Variants in CCDC47 observed in about 807,000 individuals in gnomAD.
CCDC47 encodes PAT complex subunit CCDC47.
A neutral mutation model predicts 60.5 loss-of-function variants in CCDC47; 41 were observed. That is an observed-to-expected ratio of 0.68 (90% CI 0.53 to 0.88). CCDC47 has a LOEUF of 0.88. Among genes scored for constraint, CCDC47 ranks in the 40% least tolerant of loss-of-function variants. CCDC47 has a pLI of 0.00. For missense variants in CCDC47, 513 were observed against 580.9 expected, an observed-to-expected ratio of 0.88 and a Z score of 1.20; for synonymous variants, 195 against 190.7, an observed-to-expected ratio of 1.02 and a Z score of -0.18.
chr17:63,768,917 C>T (rs1355936753), intron 1 of CCDC47, among the ~76,000 whole-genome samples: 1 of 151,814 alleles, frequency 6.6e-6, no homozygotes, highest in Non-Finnish European at 1.5e-5. Flanking sequence ...AATCCTGTCT[C>T]TACTAAAAAT....
intron 9 of CCDC47, chr17:63,753,022 C>T (rs1181717538): frequency 5.8e-6 from 4 of 687,614 alleles, no homozygotes; most frequent in Admixed American, 6.3e-5. Flanking sequence ...TATATTTGAA[C>T]ACCTCCAGTG....
chr17:63,766,819 T>C (rs1258772815), intron 1 of CCDC47: 1 of 978,602 alleles, frequency 1.0e-6, no homozygotes, highest in South Asian at 4.7e-5. Flanking sequence ...ATTAAAAAGC[T>C]TTCTATAGAA....
At chr17:63,760,078 A>AAAG (rs938149007) in intron 6 of CCDC47, among the ~76,000 whole-genome samples, 5 of 151,442 alleles carry the variant, frequency 3.3e-5, no homozygotes, top group African/African-American at 9.7e-5. Flanking sequence ...AAAAAAAAAA[A>AAAG]AAAGAAACAA....
chr17:63,768,583 A>G (rs1020742034), intron 1 of CCDC47, among the ~76,000 whole-genome samples: 3 of 152,116 alleles, frequency 2.0e-5, no homozygotes, highest in African/African-American at 7.2e-5. Flanking sequence ...CCAGCTACTC[A>G]GGGCACTGAG....
rs1487101049 is a variant in CCDC47, at chr17:63,745,288, A to AG, written c.*1592dup. On this transcript the variant is annotated 3_prime_UTR_variant, in exon 13 of 13. Transcript: ENST00000225726. ...ATCACTTTAATAGATGTCCATAGGTAGTTCATATGAATGCTTAAGTTACAA... is the reference window on the plus strand; with the variant it reads ...ATCACTTTAATAGATGTCCATAGGTAGGTTCATATGAATGCTTAAGTTACAA... The AG allele has an allele frequency of 6.6e-6, 1 of 152,622 alleles. No homozygotes were observed. Among genetic ancestry groups the AG allele is most frequent in the Non-Finnish European group, 1.5e-5 (1 of 68,028 alleles). The allele number at this position is 152,622 out of a possible 1,614,324, so 9.5% of individuals were successfully genotyped here. A position where few individuals can be genotyped will look rare whatever the true frequency, so the allele number is the denominator to read the frequency against.
At chr17:63,760,415 C>T (rs2039249750) in intron 6 of CCDC47, among the ~76,000 whole-genome samples, 1 of 152,142 alleles carries the variant, frequency 6.6e-6, no homozygotes, top group African/African-American at 2.4e-5. Context: ...ATGAAGGCCC[C>T]CTGACAGTTG....
chr17:63,763,955 T>C, intron 4 of CCDC47, 61 bp downstream of exon 4: 2 of 1,376,738 alleles, frequency 1.5e-6, no homozygotes, highest in Admixed American at 2.6e-5. Flanking sequence ...CTGAGGGGAA[T>C]ACATCATCCT....
rs747806594 is a variant in CCDC47 at position 63,752,359 on chromosome 17, A to G, written c.1164T>C (p.Tyr388=). 1 of 1,614,014 alleles carries G rather than the reference A, an allele frequency of 6.2e-7. No individual in the cohort carries two copies. The highest frequency in any genetic ancestry group is 1.1e-5 in the South Asian group (1 of 91,078). Residue 388 remains tyrosine (Y), a synonymous_variant, in exon 11 of 13, where the codon TAT becomes TAC. Coordinates refer to ENST00000225726, the MANE Select transcript of CCDC47 (RefSeq NM_020198.3). Reference sequence around the variant, plus strand: ...GGAACTTTTTGGCTTTATCAATAGAATAAATCACCATGTTCATCAGGGGTA... The same window carrying G: ...GGAACTTTTTGGCTTTATCAATAGAGTAAATCACCATGTTCATCAGGGGTA... ...ALLPLMNMVI[Y]SIDKAKKFRL...
chr17:63,750,640 A>G (rs902762624), intron 12 of CCDC47, among the ~76,000 whole-genome samples: 12 of 151,244 alleles, frequency 7.9e-5, no homozygotes, highest in African/African-American at 2.9e-4. Flanking sequence ...GCTGGAGTGC[A>G]GTGGCTCGAT....
intron 2 of CCDC47, chr17:63,765,120 C>CCACACACACACACACACACACACA (rs56697502): frequency 6.7e-6 from 1 of 150,094 alleles, no homozygotes; most frequent in African/African-American, 2.6e-5. Flanking sequence ...AGTATTCTCA[C>CCACACACACACACACACACACACA]CACACACACA....
At chr17:63,764,361 T>G (rs2039282365) in intron 3 of CCDC47, among the ~76,000 whole-genome samples, 171 bp from the exon 4 acceptor site, 1 of 152,184 alleles carries the variant, frequency 6.6e-6, no homozygotes, top group Non-Finnish European at 1.5e-5. Flanking sequence ...TAGGCTAGCT[T>G]GATAAAAGAT....
chr17:63,756,710 A>G (rs1032782986), intron 6 of CCDC47, 140 bp from the exon 7 acceptor site: 1 of 626,654 alleles, frequency 1.6e-6, no homozygotes, highest in African/African-American at 1.8e-5. Context: ...AATATGATGG[A>G]ATATTACCCC....
rs769875851 is a variant in CCDC47, at chr17:63,766,033, T to C, written c.143A>G (p.Asp48Gly). ...CCGTTGAGGAGATTCAGTAACAGAG[T>C]CTTCCATGACATCCTCAAATTCAGC... The part of the protein sequence containing the change: ...DFAEFEDVME[D>G]SVTESPQRVI... Residue 48 changes from aspartate (D) to glycine (G), a missense_variant, in exon 2 of 13, where the codon GAC (aspartate) becomes GGC (glycine). Coordinates refer to ENST00000225726, the MANE Select transcript of CCDC47 (RefSeq NM_020198.3). The C allele has an allele frequency of 1.2e-5, 19 of 1,613,706 alleles. 1 individual carries two copies. The highest frequency in any genetic ancestry group is 1.5e-5 in the Non-Finnish European group (18 of 1,179,980).
At chr17:63,760,273 A>T (rs1286925226) in intron 6 of CCDC47, among the ~76,000 whole-genome samples, 1 of 152,212 alleles carries the variant, frequency 6.6e-6, no homozygotes, top group African/African-American at 2.4e-5. Flanking sequence ...GCCAAAGATA[A>T]AAACATATAC....
chr17:63,764,117 T>C lies in CCDC47; in HGVS notation c.446A>G (p.Tyr149Cys), dbSNP rs1481024776. ...CTTCCCAATGATGTAATTCATGATA[T>C]AAGCAAGCAGACCAGTCACCATCAA... The part of the protein sequence containing the change: ...EILMVTGLLA[Y>C]IMNYIIGKNK... Residue 149 changes from tyrosine (Y) to cysteine (C), a missense_variant, in exon 4 of 13, where the codon TAT becomes TGT. Physicochemically the swap from Tyr to Cys is radical, Grantham distance 194 (BLOSUM62 -2). Coordinates refer to ENST00000225726, the MANE Select transcript of CCDC47 (RefSeq NM_020198.3). 1 of 1,612,586 alleles carries C rather than the reference T, an allele frequency of 6.2e-7. No homozygotes were observed.
chr17:63,760,257 C>G (rs2039247657), intron 6 of CCDC47, among the ~76,000 whole-genome samples: 1 of 152,102 alleles, frequency 6.6e-6, no homozygotes, highest in South Asian at 2.1e-4. Flanking sequence ...AGAAACCCAG[C>G]TATCTGCCAA....
intron 1 of CCDC47, among the ~76,000 whole-genome samples, chr17:63,768,869 AG>A: frequency 6.6e-6 from 1 of 152,178 alleles, no homozygotes; most frequent in East Asian, 1.9e-4. Flanking sequence ...AGATCACTTG[AG>A]GTCAGGAGTT....
At position 63,747,071 on chromosome 17, in the gene CCDC47, T is replaced by C. The variant is rs2039126064; in HGVS notation, c.1372-110A>G. ...ATCCAAATTAGAATACTGCCTATAG[T>C]ATTATTCAAAAACTTAGGCTTGCAC... On this transcript the variant is annotated intron_variant, in intron 12 of 12. Coordinates refer to ENST00000225726, the MANE Select transcript of CCDC47 (RefSeq NM_020198.3). 7.5e-6 allele frequency: 11 copies of C among 1,466,354 alleles called. No homozygotes were observed. The South Asian group carries it at 1.6e-4, about 21-fold the overall frequency. 90.8% of individuals were successfully genotyped at this position (1,466,354 alleles called of 1,614,324 possible).
intron 3 of CCDC47, 147 bp downstream of exon 3, chr17:63,764,593 T>C: frequency 1.5e-6 from 1 of 684,798 alleles, no homozygotes; most frequent in South Asian, 2.2e-5. Context: ...GGAGAGGTGT[T>C]GATTTTTATC....
Sources: allele counts gnomAD v4.1 joint callset (sites outside exome capture counted in the v4.1 genomes callset), GRCh38; gene constraint gnomAD v4.1.1; transcripts MANE v1.5; gene names NCBI Gene and HGNC (gene_info 2026-07-23, HGNC 2026-07-21).